The following TRDN variants were observed in gnomAD, a reference collection of about 807,000 sequenced individuals.
TRDN encodes the protein triadin.
TRDN carries 161 observed loss-of-function variants against 149.7 expected under a neutral mutation model. The observed-to-expected ratio is 1.08, with a 90% CI of 0.95 to 1.23. The LOEUF is 1.23. Among genes scored for constraint, TRDN ranks in the 50% most tolerant of loss-of-function variants. The probability of loss-of-function intolerance (pLI) is 0.00; values close to 1 mark genes in which losing one functional copy is unlikely to be tolerated. For missense variants in TRDN, 896 were observed against 823.5 expected (o/e 1.09, Z -1.08); for synonymous variants, 294 against 250.5 (o/e 1.17, Z -1.64).
chr6:123,481,787 G>C (rs1046102430), intron 9 of TRDN, among the ~76,000 whole-genome samples: 1 of 152,134 alleles, frequency 6.6e-6, no homozygotes, highest in Admixed American at 6.5e-5. Flanking sequence ...AGAACTACCT[G>C]AGTTTTCCTC....
intron 1 of TRDN, among the ~76,000 whole-genome samples, chr6:123,591,051 CAGT>C (rs531076589): frequency 1.0e-3 from 158 of 152,094 alleles, no homozygotes; most frequent in African/African-American, 3.4e-3. Context: ...ATAAATTTGT[CAGT>C]AATATAAATT....
At chr6:123,615,720 G>A (rs1291484834) in intron 1 of TRDN, among the ~76,000 whole-genome samples, 1 of 152,144 alleles carries the variant, frequency 6.6e-6, no homozygotes, top group Non-Finnish European at 1.5e-5. Context: ...GACGTAGAGA[G>A]TAGAATAGTG....
intron 9 of TRDN, chr6:123,471,765 G>A (rs754278529): frequency 3.3e-5 from 5 of 152,168 alleles, no homozygotes; most frequent in Admixed American, 6.5e-5. Flanking sequence ...GGTAATATTA[G>A]TGTTTTTTTC....
At chr6:123,325,752 G>A (rs1185303380) in intron 23 of TRDN, among the ~76,000 whole-genome samples, 1 of 151,970 alleles carries the variant, frequency 6.6e-6, no homozygotes, top group Non-Finnish European at 1.5e-5. Context: ...AAAAACACTG[G>A]TTAAGTTTAC....
chr6:123,299,184 A>G (rs1288170504), intron 24 of TRDN, among the ~76,000 whole-genome samples: 2 of 151,992 alleles, frequency 1.3e-5, no homozygotes, highest in South Asian at 2.1e-4. Context: ...GGCCCCTACT[A>G]TGATATAAGA....
At chr6:123,452,264 A>G (rs1775821867) in intron 10 of TRDN, among the ~76,000 whole-genome samples, 1 of 152,256 alleles carries the variant, frequency 6.6e-6, no homozygotes, top group South Asian at 2.1e-4. Flanking sequence ...AGACAAGAGA[A>G]AGAAATAAAG....
chr6:123,487,266 T>G (rs1583129825), intron 9 of TRDN, among the ~76,000 whole-genome samples: 1 of 152,084 alleles, frequency 6.6e-6, no homozygotes, highest in Non-Finnish European at 1.5e-5. Flanking sequence ...TAGTGGATAG[T>G]CATGCACATG....
At chr6:123,436,702 C>G (rs572478772) in intron 12 of TRDN, among the ~76,000 whole-genome samples, 1 of 152,200 alleles carries the variant, frequency 6.6e-6, no homozygotes, top group Admixed American at 6.5e-5. Flanking sequence ...CGGTTCCCCA[C>G]CCTGAAGTTT....
At chr6:123,517,895 T>C (rs537552206) in intron 5 of TRDN, among the ~76,000 whole-genome samples, 57 of 152,310 alleles carry the variant, frequency 3.7e-4, no homozygotes, top group African/African-American at 1.3e-3. Context: ...ATATTGTTAA[T>C]ATCTCTACTC....
At position 123,505,749 on chromosome 6, in the gene TRDN, T is replaced by C. The variant is rs182855915; in HGVS notation, c.611-1848A>G. Among the ~76,000 whole-genome samples, 48 of 151,970 alleles carry C rather than the reference T, an allele frequency of 3.2e-4. No homozygotes were observed. In the East Asian group the frequency reaches 7.4e-3, roughly 23 times the overall value. ...AAGTCTTGCTTTGTCATCCAGGCTGTAGTGCAGTGGCACGATCTCGGCTCA... is the reference window on the plus strand; with the variant it reads ...AAGTCTTGCTTTGTCATCCAGGCTGCAGTGCAGTGGCACGATCTCGGCTCA... On this transcript the variant is annotated intron_variant, in intron 7 of 40. Coordinates refer to ENST00000334268, the MANE Select transcript of TRDN (RefSeq NM_006073.4).
intron 1 of TRDN, among the ~76,000 whole-genome samples, chr6:123,620,443 G>A (rs1294188886): frequency 1.3e-5 from 2 of 152,102 alleles, no homozygotes; most frequent in African/African-American, 4.8e-5. Flanking sequence ...AAGTTGTTAT[G>A]TCCATATAGC....
In TRDN at chr6:123,312,753, T is replaced by G. The variant is rs79482061; in HGVS notation, c.1510+3704A>C. Among the ~76,000 whole-genome samples, 465 of 152,086 alleles carry G rather than the reference T, an allele frequency of 3.1e-3. 16 individuals are homozygous for G. The East Asian group carries it at 0.077, about 25-fold the overall frequency. ...ACTTAGGAATGGCTATAGGAATGGCTCCTCTCTCTAACTTCCTAGGGAACC... is the reference window on the plus strand; with the variant it reads ...ACTTAGGAATGGCTATAGGAATGGCGCCTCTCTCTAACTTCCTAGGGAACC... On this transcript the variant is annotated intron_variant, in intron 24 of 40. Coordinates refer to ENST00000334268, the MANE Select transcript of TRDN (RefSeq NM_006073.4).
chr6:123,238,614 T>A (rs1775876347), intron 38 of TRDN, among the ~76,000 whole-genome samples: 4 of 152,124 alleles, frequency 2.6e-5, no homozygotes, highest in Non-Finnish European at 4.4e-5. Context: ...TCATGATAAA[T>A]GTAAATAGTC....
At chr6:123,279,463 A>G (rs1777502780) in intron 24 of TRDN, among the ~76,000 whole-genome samples, 1 of 152,104 alleles carries the variant, frequency 6.6e-6, no homozygotes, top group Admixed American at 6.6e-5. Flanking sequence ...TGCTCTATTC[A>G]TAGTCAGTTT....
At chr6:123,358,023 C>T (rs1780748677) in intron 20 of TRDN, among the ~76,000 whole-genome samples, 1 of 152,116 alleles carries the variant, frequency 6.6e-6, no homozygotes, top group South Asian at 2.1e-4. Context: ...GAAGAGCAAA[C>T]ATTAGAAATA....
At chr6:123,552,602 C>T (rs543895673) in intron 2 of TRDN, among the ~76,000 whole-genome samples, 65 of 152,230 alleles carry the variant, frequency 4.3e-4, no homozygotes, top group African/African-American at 1.5e-3. Context: ...AAAGGAGAAA[C>T]AGTAATAATC....
At chr6:123,559,967 A>G (rs140768114) in intron 2 of TRDN, among the ~76,000 whole-genome samples, 5 of 152,212 alleles carry the variant, frequency 3.3e-5, no homozygotes, top group African/African-American at 1.2e-4. Context: ...GGCTCAGCGA[A>G]TTACCTGGGC....
rs55997261 is a variant in TRDN at position 123,381,956 on chromosome 6, G to GCTCTCTCTCT, written c.1165+152_1165+161dup. On this transcript the variant is annotated intron_variant, in intron 15 of 40. Coordinates refer to ENST00000334268, the MANE Select transcript of TRDN (RefSeq NM_006073.4). The stretch of plus-strand genomic sequence containing the variant: ...GCAGTATTGTCAGAATAGATTTGGC[G>GCTCTCTCTCT]CTCTCTCTCTCTCTCTCTCTCTCTC... 3.6e-3 allele frequency among the ~76,000 whole-genome samples: 498 copies of GCTCTCTCTCT among 138,474 alleles called. 2 individuals are homozygous for GCTCTCTCTCT. Among genetic ancestry groups the GCTCTCTCTCT allele is most frequent in the African/African-American group, 9.9e-3 (367 of 37,202 alleles). 90.8% of individuals were successfully genotyped at this position (138,474 alleles called of 152,430 possible). A position where few individuals can be genotyped will look rare whatever the true frequency, so the allele number is the denominator to read the frequency against.
chr6:123,407,157 T>C (rs1019479873), intron 12 of TRDN, among the ~76,000 whole-genome samples: 17 of 152,172 alleles, frequency 1.1e-4, no homozygotes, highest in Admixed American at 6.5e-4. Flanking sequence ...GGGCAAGCTA[T>C]AGTGTCTGTT....
Sources: allele counts gnomAD v4.1 joint callset (sites outside exome capture counted in the v4.1 genomes callset), GRCh38; gene constraint gnomAD v4.1.1; transcripts MANE v1.5; gene names NCBI Gene and HGNC (gene_info 2026-07-23, HGNC 2026-07-21).